TSHR: variants seen among roughly 807,000 people sequenced by gnomAD.
The protein encoded by TSHR is thyroid stimulating hormone receptor, also known as thyrotropin receptor.
In TSHR, 51 loss-of-function variants were observed where a neutral mutation model predicts 64.1. The ratio of observed to expected loss-of-function variants is 0.80; its 90% confidence interval spans 0.64 to 1.01. The LOEUF is 1.01. TSHR is among the 50% of genes least tolerant of loss of function. The pLI is 0.00. For synonymous variants in TSHR, 361 were observed against 361.9 expected, an observed-to-expected ratio of 1.00 and a Z score of 0.03; for missense variants, 877 against 942.8, an observed-to-expected ratio of 0.93 and a Z score of 0.91.
intron 8 of TSHR, among the ~76,000 whole-genome samples, chr14:81,124,287 CAG>C (rs1890925716): frequency 6.6e-6 from 1 of 151,804 alleles, no homozygotes; most frequent in Non-Finnish European, 1.5e-5. Context: ...AAATTTGTGG[CAG>C]AGTCCTTACC....
intron 8 of TSHR, among the ~76,000 whole-genome samples, chr14:81,112,620 T>C (rs1407210522): frequency 6.6e-6 from 1 of 152,150 alleles, no homozygotes; most frequent in African/African-American, 2.4e-5. Context: ...CCTTTGAAAA[T>C]GTACAATAAG....
intron 8 of TSHR, among the ~76,000 whole-genome samples, chr14:81,109,352 C>A (rs922743707): frequency 6.6e-6 from 1 of 151,724 alleles, no homozygotes; most frequent in African/African-American, 2.4e-5. Context: ...GAGCTTGCAG[C>A]GAGCCCAGAT....
At chr14:81,129,202 C>T (rs1891135799) in intron 8 of TSHR, among the ~76,000 whole-genome samples, 1 of 152,308 alleles carries the variant, frequency 6.6e-6, no homozygotes, top group Non-Finnish European at 1.5e-5. Context: ...TAATCTTAAA[C>T]ATCCTGCTCT....
chr14:81,037,133 C>T (rs565760363), intron 1 of TSHR, among the ~76,000 whole-genome samples: 1 of 147,140 alleles, frequency 6.8e-6, no homozygotes, highest in Non-Finnish European at 1.5e-5. Context: ...CAAAGCAAGA[C>T]TCAGTCTCAA....
intron 5 of TSHR, among the ~76,000 whole-genome samples, chr14:81,091,872 T>C (rs988457103): frequency 6.6e-6 from 1 of 152,250 alleles, no homozygotes; most frequent in African/African-American, 2.4e-5. Context: ...CATGGGTCAG[T>C]TGTCTTACTA....
At chr14:80,968,528 T>C (rs1887431913) in intron 1 of TSHR, among the ~76,000 whole-genome samples, 1 of 152,202 alleles carries the variant, frequency 6.6e-6, no homozygotes, top group Non-Finnish European at 1.5e-5. Flanking sequence ...AGGATGCCAT[T>C]GATAGTCCTT....
At chr14:81,137,737 G>A (rs971442462) in intron 8 of TSHR, among the ~76,000 whole-genome samples, 12 of 152,170 alleles carry the variant, frequency 7.9e-5, no homozygotes, top group African/African-American at 2.7e-4. Flanking sequence ...GTTTTGTCAC[G>A]CAGTAACTGA....
At chr14:81,041,349 C>G (rs183267820) in intron 1 of TSHR, among the ~76,000 whole-genome samples, 1 of 152,052 alleles carries the variant, frequency 6.6e-6, no homozygotes, top group African/African-American at 2.4e-5. Context: ...TAAAAAAGAA[C>G]GAGATCATGT....
chr14:81,100,899 T>C (rs1448491491), intron 7 of TSHR, among the ~76,000 whole-genome samples: 2 of 152,198 alleles, frequency 1.3e-5, no homozygotes, highest in Non-Finnish European at 2.9e-5. Flanking sequence ...TTTCATTACA[T>C]AGGCTTGATT....
At chr14:81,115,588 C>A (rs1890463502) in intron 8 of TSHR, among the ~76,000 whole-genome samples, 1 of 151,392 alleles carries the variant, frequency 6.6e-6, no homozygotes, top group African/African-American at 2.4e-5. Flanking sequence ...AGAATGGAAC[C>A]AAGTTGGAAA....
intron 1 of TSHR, among the ~76,000 whole-genome samples, chr14:80,959,026 A>G (rs1227046955): frequency 2.6e-5 from 4 of 152,172 alleles, no homozygotes; most frequent in Non-Finnish European, 2.9e-5. Context: ...TTCTACTCAT[A>G]GATTATTGTT....
intron 1 of TSHR, among the ~76,000 whole-genome samples, chr14:80,958,573 A>AG (rs987593775): frequency 4.6e-5 from 7 of 152,322 alleles, no homozygotes; most frequent in Admixed American, 2.6e-4. Context: ...AAAGGAAAGA[A>AG]GAAGGAAGGA....
At chr14:81,075,900 G>A (rs1392677510) in intron 3 of TSHR, among the ~76,000 whole-genome samples, 3 of 151,904 alleles carry the variant, frequency 2.0e-5, no homozygotes, top group African/African-American at 7.3e-5. Flanking sequence ...CAACCCAAAT[G>A]TCCAACAATG....
At chr14:80,987,780 A>G (rs948941902) in intron 1 of TSHR, among the ~76,000 whole-genome samples, 2 of 152,080 alleles carry the variant, frequency 1.3e-5, no homozygotes, top group Non-Finnish European at 2.9e-5. Context: ...TTCCTTTCAG[A>G]CTGACTTCTG....
rs567333592 is a variant in TSHR, at chr14:81,093,051, C to G, written c.545+443C>G. ...ATAATCATCTGTATCCAAGTGTCCC[C>G]ATTCTACAGAAGAAGAACTGGGGTT... On this transcript the variant is annotated intron_variant, in intron 6 of 9. Transcript: ENST00000298171. Among the ~76,000 whole-genome samples the G allele has an allele frequency of 3.9e-5, 6 of 152,300 alleles. No individual in the cohort carries two copies. The South Asian group carries it at 1.0e-3, about 26-fold the overall frequency.
intron 3 of TSHR, 123 bp from the exon 4 acceptor site, chr14:81,087,831 C>T: frequency 1.3e-6 from 1 of 794,286 alleles, no homozygotes; most frequent in East Asian, 2.6e-5. Flanking sequence ...CCCTGGGGTA[C>T]CCTGTGGCGT....
intron 1 of TSHR, chr14:81,012,621 A>G (rs1889975279): frequency 6.6e-6 from 1 of 152,052 alleles, no homozygotes; most frequent in South Asian, 2.1e-4. Flanking sequence ...TGACTTTTTA[A>G]TGATTGCCAT....
At chr14:81,091,027 C>G (rs770221996) in intron 4 of TSHR, 42 bp from the exon 5 acceptor site, 2 of 1,549,936 alleles carry the variant, frequency 1.3e-6, no homozygotes, top group East Asian at 2.2e-5. Context: ...ATTTTTTTAC[C>G]TAAATTCTAT....
At chr14:81,002,721 G>A (rs995796393) in intron 1 of TSHR, among the ~76,000 whole-genome samples, 1 of 143,010 alleles carries the variant, frequency 7.0e-6, no homozygotes, top group African/African-American at 2.6e-5. Flanking sequence ...GCTGAAATCT[G>A]GTTTGCTATC....
Sources: allele counts gnomAD v4.1 joint callset (sites outside exome capture counted in the v4.1 genomes callset), GRCh38; gene constraint gnomAD v4.1.1; transcripts MANE v1.5; gene names NCBI Gene and HGNC (gene_info 2026-07-23, HGNC 2026-07-21).